The following SYNJ2 variants were observed in gnomAD, a reference collection of about 807,000 sequenced individuals.
SYNJ2 encodes the protein polyphosphatidylinositol phosphatase SYNJ2.
A neutral mutation model predicts 141.3 loss-of-function variants in SYNJ2; 116 were observed. The ratio of observed to expected loss-of-function variants is 0.82; its 90% CI spans 0.71 to 0.96. SYNJ2 has a LOEUF of 0.96. SYNJ2 is among the 40% of genes least tolerant of loss of function. SYNJ2 has a pLI of 0.00. For synonymous variants in SYNJ2, 745 were observed against 777.7 expected, an observed-to-expected ratio of 0.96 and a Z score of 0.70; for missense variants, 1,873 against 1,934.8, an observed-to-expected ratio of 0.97 and a Z score of 0.60.
At chr6:158,023,481 G>A (rs1391766459) in intron 2 of SYNJ2, among the ~76,000 whole-genome samples, 1 of 152,088 alleles carries the variant, frequency 6.6e-6, no homozygotes, top group Non-Finnish European at 1.5e-5. Context: ...CTCTTCCACA[G>A]AGGCCTCTGT....
intron 1 of SYNJ2, among the ~76,000 whole-genome samples, chr6:157,990,756 A>G (rs1777392574): frequency 6.6e-6 from 1 of 152,210 alleles, no homozygotes; most frequent in Non-Finnish European, 1.5e-5. Context: ...GGGTGGTTCT[A>G]CATTGACTTC....
chr6:158,075,385 A>G (rs1323175599), intron 16 of SYNJ2, among the ~76,000 whole-genome samples: 4 of 151,788 alleles, frequency 2.6e-5, no homozygotes, highest in Non-Finnish European at 5.9e-5. Context: ...TCTTGCCTGT[A>G]ATCCCAACAC....
In SYNJ2 at chr6:158,027,385, G is replaced by A. The variant is rs147906792; in HGVS notation, c.215-1371G>A. On this transcript the variant is annotated intron_variant, in intron 2 of 26. Coordinates refer to ENST00000355585, the MANE Select transcript of SYNJ2 (RefSeq NM_003898.4). The surrounding 1 kb of genome is among the most constrained non-coding windows in gnomAD (Gnocchi z 4.6). Reference sequence around the variant, plus strand: ...AGACCCCAAAGGCCGGTTTCTACCCGATGATCTCTTGGGCCCCGTCCCGAG... The same window carrying A: ...AGACCCCAAAGGCCGGTTTCTACCCAATGATCTCTTGGGCCCCGTCCCGAG... 3.1e-5 allele frequency: 7 copies of A among 225,948 alleles called. No individual in the cohort carries two copies. Among genetic ancestry groups the A allele is most frequent in the Non-Finnish European group, 4.4e-5 (6 of 135,488 alleles). The allele number at this position is 225,948 out of a possible 1,614,324, so 14.0% of individuals were successfully genotyped here.
chr6:158,093,012 C>G lies in SYNJ2; in HGVS notation c.3652C>G (p.Pro1218Ala). 1 of 1,613,308 alleles carries G rather than the reference C, an allele frequency of 6.2e-7. No individual in the cohort carries two copies. The highest frequency in any genetic ancestry group is 8.5e-7 in the Non-Finnish European group (1 of 1,179,802). The change falls in exon 26 of 27, where the codon CCA becomes GCA. Residue 1218 changes from proline to alanine, a missense_variant. Transcript: ENST00000355585. Reference sequence around the variant, plus strand: ...AGAGCCCACACCGGGGGCAGCCAAACCAGAGACCCCACAGGCGCCCCCACT... The same window carrying G: ...AGAGCCCACACCGGGGGCAGCCAAAGCAGAGACCCCACAGGCGCCCCCACT... ...EPEPTPGAAK[P>A]ETPQAPPLLP... is the part of the protein sequence containing the mutation.
intron 25 of SYNJ2, among the ~76,000 whole-genome samples, chr6:158,090,327 C>A (rs1381797383): frequency 6.6e-6 from 1 of 152,134 alleles, no homozygotes; most frequent in Non-Finnish European, 1.5e-5. Flanking sequence ...CCTTTTAAAT[C>A]ACTGGCAAGT....
intron 8 of SYNJ2, among the ~76,000 whole-genome samples, chr6:158,062,710 A>G (rs965313418): frequency 6.6e-6 from 1 of 152,168 alleles, no homozygotes; most frequent in African/African-American, 2.4e-5. Flanking sequence ...CCTATTCCTT[A>G]AAACTGATTT....
At chr6:158,082,303 A>G (rs1206245646) in intron 20 of SYNJ2, among the ~76,000 whole-genome samples, 2 of 152,104 alleles carry the variant, frequency 1.3e-5, no homozygotes, top group Non-Finnish European at 2.9e-5. Context: ...CCTGGCCAAC[A>G]TAGTGAAACC....
intron 12 of SYNJ2, 96 bp from the exon 13 acceptor site, chr6:158,068,551 C>A: frequency 1.5e-6 from 2 of 1,367,008 alleles, no homozygotes; most frequent in Non-Finnish European, 2.1e-6. Flanking sequence ...AGGCAGTGGA[C>A]AGCATGACTC....
chr6:158,080,826 C>G (rs371627422), intron 18 of SYNJ2, among the ~76,000 whole-genome samples: 1 of 152,168 alleles, frequency 6.6e-6, no homozygotes, highest in Non-Finnish European at 1.5e-5. Flanking sequence ...TTTATTTTCC[C>G]CCTCAAATCA....
intron 1 of SYNJ2, among the ~76,000 whole-genome samples, chr6:158,016,238 C>G (rs370654892): frequency 6.6e-6 from 1 of 152,114 alleles, no homozygotes; most frequent in Non-Finnish European, 1.5e-5. Flanking sequence ...CTCAGCCTCC[C>G]GAGTAGCTGG....
intron 1 of SYNJ2, among the ~76,000 whole-genome samples, chr6:157,985,900 G>A (rs1777183266): frequency 6.6e-6 from 1 of 152,162 alleles, no homozygotes; most frequent in Admixed American, 6.5e-5. Context: ...AGCTTCTGGG[G>A]GGAAAGGTTC....
At chr6:157,995,551 C>T (rs1450705227) in intron 1 of SYNJ2, among the ~76,000 whole-genome samples, 3 of 152,220 alleles carry the variant, frequency 2.0e-5, no homozygotes, top group African/African-American at 4.8e-5. Flanking sequence ...GATCCTGAAG[C>T]ATCTGTGCGG....
intron 6 of SYNJ2, among the ~76,000 whole-genome samples, chr6:158,058,882 A>C (rs1475803898): frequency 1.3e-5 from 2 of 152,234 alleles, no homozygotes; most frequent in African/African-American, 2.4e-5. Flanking sequence ...GCAGTGAGCT[A>C]TGATCGTGCC....
At position 158,084,620 on chromosome 6, in the gene SYNJ2, C is replaced by T. The variant is rs1481622818; in HGVS notation, c.3208+446C>T. ...AGGAGTTCAAGACCAGCCTGGCCAACATGGTGAAACCCTGTCTCTACTAAA... is the reference window on the plus strand; with the variant it reads ...AGGAGTTCAAGACCAGCCTGGCCAATATGGTGAAACCCTGTCTCTACTAAA... On this transcript the variant is annotated intron_variant, in intron 22 of 26. Coordinates refer to ENST00000355585, the MANE Select transcript of SYNJ2 (RefSeq NM_003898.4). This position sits in a 1 kb window ranked among gnomAD's most constrained non-coding sequence, Gnocchi z 5.0. 6.6e-6 allele frequency among the ~76,000 whole-genome samples: 1 copy of T among 152,066 alleles called. No homozygotes were observed. Among genetic ancestry groups the T allele is most frequent in the Non-Finnish European group, 1.5e-5 (1 of 68,016 alleles).
chr6:158,077,945 A>C, intron 17 of SYNJ2: 6 of 379,434 alleles, frequency 1.6e-5, no homozygotes, highest in East Asian at 5.4e-5. Flanking sequence ...GACTGCAGGC[A>C]TGGTCATGAC....
chr6:158,050,555 C>T (rs534347113), intron 5 of SYNJ2, among the ~76,000 whole-genome samples: 63 of 152,324 alleles, frequency 4.1e-4, no homozygotes, highest in African/African-American at 1.4e-3. Flanking sequence ...CCTGTCCACA[C>T]GGAATGCTTG....
At chr6:158,047,392 T>A (rs1204227917) in intron 5 of SYNJ2, among the ~76,000 whole-genome samples, 1 of 152,146 alleles carries the variant, frequency 6.6e-6, no homozygotes, top group Non-Finnish European at 1.5e-5. Context: ...TTTGAGAGGC[T>A]CTTATCTGTG....
chr6:158,013,718 G>A (rs192282006), intron 1 of SYNJ2, among the ~76,000 whole-genome samples: 11 of 152,308 alleles, frequency 7.2e-5, no homozygotes, highest in Middle Eastern at 3.4e-3. Context: ...CCTTTTCCCA[G>A]CTGAAAAGGA....
At chr6:158,063,592 G>T (rs1246741945) in intron 8 of SYNJ2, among the ~76,000 whole-genome samples, 199 bp from the exon 9 acceptor site, 1 of 147,316 alleles carries the variant, frequency 6.8e-6, no homozygotes, top group Non-Finnish European at 1.5e-5. Flanking sequence ...CTGGGAGGCG[G>T]AGGTTGCAGT....
Sources: gnomAD v4.1 joint callset for allele counts (sites outside exome capture counted in the v4.1 genomes callset) on GRCh38, gnomAD v4.1.1 for gene constraint, Gnocchi (gnomAD v3.1) non-coding constraint, MANE v1.5 for transcripts, NCBI Gene and HGNC (gene_info 2026-07-23, HGNC 2026-07-21) for gene names.